Variants in DLG5 observed in about 807,000 individuals in gnomAD.
DLG5 encodes discs large MAGUK scaffold protein 5.
In DLG5, 48 loss-of-function variants were observed where a neutral mutation model predicts 189.8. The observed-to-expected ratio is 0.25, with a 90% CI of 0.20 to 0.32. The LOEUF (loss-of-function observed/expected upper bound fraction) is 0.32. DLG5 is among the 10% of genes least tolerant of loss of function. The pLI is 1.00. For synonymous variants in DLG5, 1,016 were observed against 1,054.1 expected, an observed-to-expected ratio of 0.96 and a Z score of 0.70; for missense variants, 2,160 against 2,544.7, an observed-to-expected ratio of 0.85 and a Z score of 3.25.
At chr10:77,938,153 A>G in the DLG5 span, among the ~76,000 whole-genome samples, 2 of 151,574 alleles carry the variant, frequency 1.3e-5, no homozygotes, top group South Asian at 4.2e-4. Context: ...GCTCAAAACT[A>G]TTTGTTGAGG....
chr10:77,868,778 A>G (rs894109870), intron 2 of DLG5: 17 of 303,884 alleles, frequency 5.6e-5, no homozygotes, highest in Non-Finnish European at 7.9e-5. Context: ...CCTATCCCCA[A>G]GGAAACTCCA....
At chr10:77,907,801 A>G (rs1846108535) in intron 1 of DLG5, among the ~76,000 whole-genome samples, 1 of 152,218 alleles carries the variant, frequency 6.6e-6, no homozygotes, top group African/African-American at 2.4e-5. Flanking sequence ...TGGCTCAGGT[A>G]CAGGCTCTTA....
In DLG5 at chr10:77,846,780, C is replaced by T. The variant is rs190764895; in HGVS notation, c.865-3074G>A. 1.0e-3 allele frequency: 456 copies of T among 454,170 alleles called. 4 individuals carry two copies. In the Middle Eastern group the frequency reaches 0.018, roughly 18 times the overall value. 28.1% of individuals were successfully genotyped at this position (454,170 alleles called of 1,614,324 possible). On this transcript the variant is annotated intron_variant, in intron 5 of 31. Coordinates refer to ENST00000372391, the MANE Select transcript of DLG5 (RefSeq NM_004747.4). Reference sequence around the variant, plus strand: ...ACCCCATTGGCTCCAAATGAGTCTGCTTTGCTGGGGAACAAAGGAGGCTGT... The same window carrying T: ...ACCCCATTGGCTCCAAATGAGTCTGTTTTGCTGGGGAACAAAGGAGGCTGT...
intron 1 of DLG5, among the ~76,000 whole-genome samples, chr10:77,871,123 G>A (rs1382054185): frequency 6.6e-6 from 1 of 152,202 alleles, no homozygotes; most frequent in Non-Finnish European, 1.5e-5. Context: ...GAATGACTGG[G>A]GAATGGGTAG....
At chr10:77,869,358 C>G (rs572788135) in intron 1 of DLG5, 161 bp from the exon 2 acceptor site, 459 of 654,258 alleles carry the variant, frequency 7.0e-4, no homozygotes, top group Non-Finnish European at 1.1e-3. Flanking sequence ...CTCAGCAGAT[C>G]TGGACTTCGG....
intron 1 of DLG5, among the ~76,000 whole-genome samples, chr10:77,901,330 C>T (rs564909087): frequency 6.6e-6 from 1 of 152,214 alleles, no homozygotes; most frequent in Admixed American, 6.5e-5. Flanking sequence ...ACTTACAGAC[C>T]AAGAAACAGG....
intron 5 of DLG5, chr10:77,846,688 TTC>T (rs1173618607): frequency 2.2e-6 from 1 of 455,902 alleles, no homozygotes; most frequent in African/African-American, 2.0e-5. Context: ...CAGAGAAATA[TTC>T]TGTCTCAAAA....
intron 1 of DLG5, among the ~76,000 whole-genome samples, chr10:77,910,186 G>A (rs1846178852): frequency 6.6e-6 from 1 of 152,166 alleles, no homozygotes; most frequent in African/African-American, 2.4e-5. Flanking sequence ...GAGGTGGAGA[G>A]GTAGGCAAGG....
At chr10:77,829,161 G>C (rs1186398720) in intron 12 of DLG5, among the ~76,000 whole-genome samples, 176 bp from the exon 13 acceptor site, 4 of 152,328 alleles carry the variant, frequency 2.6e-5, no homozygotes, top group South Asian at 4.1e-4. Context: ...CATCTACCCT[G>C]GTGAATCAAA....
At chr10:77,894,413 A>G (rs1845697837) in intron 1 of DLG5, among the ~76,000 whole-genome samples, 2 of 152,176 alleles carry the variant, frequency 1.3e-5, no homozygotes, top group Admixed American at 6.5e-5. Flanking sequence ...CCAGACAAGA[A>G]AAGTTCTATT....
rs1307497600 is a variant in DLG5 at position 77,832,037 on chromosome 10, G to A, written c.1749-1164C>T. Among the ~76,000 whole-genome samples the A allele has an allele frequency of 4.6e-5, 7 of 152,072 alleles. No homozygotes were observed. In the East Asian group the frequency reaches 5.8e-4, roughly 13 times the overall value. On this transcript the variant is annotated intron_variant, in intron 9 of 31. Transcript: ENST00000372391. ...AGCCTGGCCAACATGGTAAAACCCC[G>A]TCTCTACCAAAAATACAAAAATTAG...
At chr10:77,817,991 G>C in intron 17 of DLG5, 102 bp from the exon 18 acceptor site, 1 of 954,846 alleles carries the variant, frequency 1.0e-6, no homozygotes, top group Non-Finnish European at 1.6e-6. Flanking sequence ...CAAGCGGGCA[G>C]AAGGGAGGCC....
In DLG5 at chr10:77,834,004, C is replaced by T. The variant is rs760447433; in HGVS notation, c.1658G>A (p.Arg553His). 23 of 1,609,168 alleles carry T rather than the reference C, an allele frequency of 1.4e-5. No homozygotes were observed. Among genetic ancestry groups the T allele is most frequent in the Non-Finnish European group, 1.9e-5 (23 of 1,179,896 alleles). ...GGCCTCAGCCAGCTCGCTCACCGCACGGTCCCGCTCCCGCCTCAGGTTGTC... is the reference window on the plus strand; with the variant it reads ...GGCCTCAGCCAGCTCGCTCACCGCATGGTCCCGCTCCCGCCTCAGGTTGTC... ...LCDNLRRERD[R>H]AVSELAEALR... is the part of the protein sequence containing the mutation. The change falls in exon 9 of 32, where the codon CGT (arginine) becomes CAT (histidine). Residue 553 changes from arginine to histidine, a missense_variant. Physicochemically the swap from Arg to His is conservative, Grantham distance 29. Coordinates refer to ENST00000372391, the MANE Select transcript of DLG5 (RefSeq NM_004747.4).
chr10:77,894,454 T>G (rs905231884), intron 1 of DLG5, among the ~76,000 whole-genome samples: 1 of 152,208 alleles, frequency 6.6e-6, no homozygotes, highest in East Asian at 1.9e-4. Context: ...TAGGGTTGCC[T>G]CTGGGATTTT....
At chr10:77,906,891 G>A (rs1846085714) in intron 1 of DLG5, among the ~76,000 whole-genome samples, 1 of 152,044 alleles carries the variant, frequency 6.6e-6, no homozygotes, top group Non-Finnish European at 1.5e-5. Context: ...CTCCCAGAGT[G>A]CTGGGATTAC....
chr10:77,816,247 G>A (rs926608623), intron 20 of DLG5: 26 of 634,040 alleles, frequency 4.1e-5, no homozygotes, highest in Admixed American at 2.9e-4. Context: ...TTAGCCACAC[G>A]TAAAGTGCTT....
At chr10:77,817,994 G>C (rs1219643992) in intron 17 of DLG5, 105 bp from the exon 18 acceptor site, 2 of 907,114 alleles carry the variant, frequency 2.2e-6, no homozygotes, top group Non-Finnish European at 3.4e-6. Context: ...GCGGGCAGAA[G>C]GGAGGCCCAG....
At chr10:77,924,218 T>C (rs1343021116) in intron 1 of DLG5, among the ~76,000 whole-genome samples, 1 of 152,190 alleles carries the variant, frequency 6.6e-6, no homozygotes, top group Non-Finnish European at 1.5e-5. Context: ...TTGAAAAGTA[T>C]TTTTCTAAGG....
rs371509149 is a variant in DLG5 at position 77,829,458 on chromosome 10, C to T, written c.2082G>A (p.Ala694=). ...TGATGGCCCCCTCCCCATTGAGGAG[C>T]GCCTTGATGGCCTGCTTCTTGTCCT... ...INKDKKQAIK[A]LLNGEGAINM... is the part of the protein sequence containing the mutation. The change falls in exon 12 of 32, where the codon GCG becomes GCA. Residue 694 remains alanine, a synonymous_variant. Coordinates refer to ENST00000372391, the MANE Select transcript of DLG5 (RefSeq NM_004747.4). The T allele has an allele frequency of 2.7e-5, 43 of 1,614,030 alleles. No homozygotes were observed. The highest frequency in any genetic ancestry group is 3.2e-5 in the Non-Finnish European group (38 of 1,180,034).
Sources: allele counts gnomAD v4.1 joint callset (sites outside exome capture counted in the v4.1 genomes callset), GRCh38; gene constraint gnomAD v4.1.1; transcripts MANE v1.5; gene names NCBI Gene and HGNC (gene_info 2026-07-23, HGNC 2026-07-21).